RNASEH2A: variants seen among roughly 807,000 people sequenced by gnomAD.
RNASEH2A encodes RNase H(35).
RNASEH2A carries 30 observed loss-of-function variants against 32.7 expected under a neutral mutation model. That is an observed-to-expected ratio of 0.92 (90% confidence interval 0.69 to 1.25). The LOEUF is 1.25. Among genes scored for constraint, RNASEH2A ranks in the 50% most tolerant of loss-of-function variants. RNASEH2A has a pLI of 0.00. For synonymous variants in RNASEH2A, 147 were observed against 165.4 expected, an observed-to-expected ratio of 0.89 and a Z score of 0.86; for missense variants, 409 against 398.1, an observed-to-expected ratio of 1.03 and a Z score of -0.23.
chr19:12,807,932 AAAAAAAT>A lies in RNASEH2A; in HGVS notation c.411+444_411+450del, dbSNP rs370390192. ...GGGCAACAGAGCAAGACCCTGTCTC[AAAAAAAT>A]AAAAAATAAAAAATAAACTAAAAAT... On this transcript the variant is annotated intron_variant, in intron 4 of 7. Coordinates refer to ENST00000221486, the MANE Select transcript of RNASEH2A (RefSeq NM_006397.3). The A allele has an allele frequency of 2.3e-3, 513 of 220,936 alleles. 3 individuals carry two copies. The highest frequency in any genetic ancestry group is 0.011 in the African/African-American group (456 of 43,216). The allele number at this position is 220,936 out of a possible 1,614,324, so 13.7% of individuals were successfully genotyped here.
Position 12,809,479 on chromosome 19 carries a change from A to G in RNASEH2A, c.412-592A>G, listed in dbSNP as rs1409048124. Among the ~76,000 whole-genome samples, 4 of 152,108 alleles carry G rather than the reference A, an allele frequency of 2.6e-5. No individual in the cohort carries two copies. In the East Asian group the frequency reaches 5.8e-4, roughly 22 times the overall value. On this transcript the variant is annotated intron_variant, in intron 4 of 7. Transcript: ENST00000221486. ...ACAGTTCACTTCCTCACCTCCTTCA[A>G]GCCTTTATTCACCACTACACCTAGC...
chr19:12,813,061 A>G, intron 6 of RNASEH2A, 22 bp from the exon 7 acceptor site: 1 of 1,613,600 alleles, frequency 6.2e-7, no homozygotes, highest in East Asian at 2.2e-5. Context: ...TTGGACTGTC[A>G]CCATTGCCCA....
chr19:12,806,897 T>A, intron 1 of RNASEH2A, 97 bp downstream of exon 1: 2 of 1,598,086 alleles, frequency 1.3e-6, no homozygotes, highest in Non-Finnish European at 1.7e-6. Flanking sequence ...GATGTGGTCG[T>A]GGTGATGGCA....
rs199822158 is a variant in RNASEH2A at position 12,813,516 on chromosome 19, T to C, written c.*50T>C. On this transcript the variant is annotated 3_prime_UTR_variant, in exon 8 of 8. Transcript: ENST00000221486. Reference sequence around the variant, plus strand: ...GCTTCCCCAACCCAGACATTAAAATTGTTTAAGGAGAACCACACGTAGGGG... The same window carrying C: ...GCTTCCCCAACCCAGACATTAAAATCGTTTAAGGAGAACCACACGTAGGGG... The C allele has an allele frequency of 3.5e-5, 56 of 1,606,776 alleles. No homozygotes were observed. The East Asian group carries it at 1.1e-3, about 32-fold the overall frequency.
downstream of RNASEH2A, chr19:12,813,640 AT>A (rs1969109543): frequency 1.2e-5 from 6 of 508,208 alleles, no homozygotes; most frequent in Admixed American, 2.2e-4. Flanking sequence ...TGGTTGATTA[AT>A]TTTATTTGGT....
rs767126673 is a variant in RNASEH2A, at chr19:12,813,234, C to A, written c.761+28C>A. ...GGGTGTCATGGATGTCCTGGGGGTG[C>A]TATAGGGAAGGAAGGAGGGAGGCCA... On this transcript the variant is annotated intron_variant, in intron 7 of 7. Coordinates refer to ENST00000221486, the MANE Select transcript of RNASEH2A (RefSeq NM_006397.3). The A allele has an allele frequency of 6.8e-6, 11 of 1,613,808 alleles. No individual in the cohort carries two copies. The East Asian group carries it at 2.5e-4, about 36-fold the overall frequency.
In RNASEH2A at chr19:12,813,312, C is replaced by T; in HGVS notation, c.762-16C>T. The T allele has an allele frequency of 1.2e-6, 2 of 1,614,152 alleles. No homozygotes were observed. Among genetic ancestry groups the T allele is most frequent in the Non-Finnish European group, 8.5e-7 (1 of 1,180,022 alleles). On this transcript the variant is annotated splice_polypyrimidine_tract_variant and intron_variant, in intron 7 of 7. Coordinates refer to ENST00000221486, the MANE Select transcript of RNASEH2A (RefSeq NM_006397.3). ...TCCCTGTGTAAGTGGTCACTGTCAT[C>T]ACCTCTCTCCCACAGGGAGGACTCA... is the stretch of plus-strand genomic sequence containing the variant.
In RNASEH2A at chr19:12,813,357, G is replaced by A; in HGVS notation, c.791G>A (p.Gly264Glu). The change falls in exon 8 of 8, where the codon GGA becomes GAA. Residue 264 changes from glycine to glutamate, a missense_variant. Coordinates refer to ENST00000221486, the MANE Select transcript of RNASEH2A (RefSeq NM_006397.3). The stretch of plus-strand genomic sequence containing the variant: ...GACTCAGCATCCGAGAATCAGGAGG[G>A]ACTCAGGAAGATCACATCCTACTTC... ...WEDSASENQE[G>E]LRKITSYFLN... The A allele has an allele frequency of 6.2e-7, 1 of 1,614,122 alleles. No homozygotes were observed. Among genetic ancestry groups the A allele is most frequent in the Non-Finnish European group, 8.5e-7 (1 of 1,180,018 alleles).
At chr19:12,807,364 C>A in intron 3 of RNASEH2A, 35 bp downstream of exon 3, 1 of 1,614,162 alleles carries the variant, frequency 6.2e-7, no homozygotes, top group Non-Finnish European at 8.5e-7. Flanking sequence ...CCAGCATGGG[C>A]TGACCAAGCT....
rs768240363 is a variant in RNASEH2A, at chr19:12,813,496, C to T, written c.*30C>T. The stretch of plus-strand genomic sequence containing the variant: ...TGCCTCTACGCGCTCTACCTGCTTC[C>T]CCAACCCAGACATTAAAATTGTTTA... On this transcript the variant is annotated 3_prime_UTR_variant, in exon 8 of 8. Coordinates refer to ENST00000221486, the MANE Select transcript of RNASEH2A (RefSeq NM_006397.3). 3 of 1,610,262 alleles carry T rather than the reference C, an allele frequency of 1.9e-6. No homozygotes were observed. The highest frequency in any genetic ancestry group is 2.2e-5 in the East Asian group (1 of 44,894).
chr19:12,809,199 C>T (rs959730675), intron 4 of RNASEH2A, among the ~76,000 whole-genome samples: 6 of 152,048 alleles, frequency 3.9e-5, no homozygotes, highest in Non-Finnish European at 8.8e-5. Flanking sequence ...ATGGTGAAAC[C>T]CCATCTCTAC....
At chr19:12,807,892 A>C in intron 4 of RNASEH2A, 1 of 319,954 alleles carries the variant, frequency 3.1e-6, no homozygotes, top group South Asian at 2.7e-5. Context: ...AGATTGTGCC[A>C]TTGCACTCCA....
At position 12,813,581 on chromosome 19, in the gene RNASEH2A, GCAGCCGGGTC is replaced by G; in HGVS notation, c.*120_*129del. The stretch of plus-strand genomic sequence containing the variant: ...CAGAAGCAAGGTGGGAGTGTGCTCT[GCAGCCGGGTC>G]CAGCTACTTCCTTTTGGAACCTTAA... On this transcript the variant is annotated 3_prime_UTR_variant, in exon 8 of 8. Coordinates refer to ENST00000221486, the MANE Select transcript of RNASEH2A (RefSeq NM_006397.3). 7 of 1,343,930 alleles carry G rather than the reference GCAGCCGGGTC, an allele frequency of 5.2e-6. No individual in the cohort carries two copies. The highest frequency in any genetic ancestry group is 7.4e-6 in the Non-Finnish European group (7 of 949,924). 83.3% of individuals were successfully genotyped at this position (1,343,930 alleles called of 1,614,324 possible).
intron 4 of RNASEH2A, among the ~76,000 whole-genome samples, chr19:12,809,708 T>C (rs1225780639): frequency 6.6e-6 from 1 of 151,860 alleles, no homozygotes; most frequent in Non-Finnish European, 1.5e-5. Context: ...AGGTGCTAAA[T>C]AAGTTAGAGT....
chr19:12,809,889 CA>C lies in RNASEH2A; in HGVS notation c.412-181del, dbSNP rs1013963249. Reference sequence around the variant, plus strand: ...TCAGCCTCCCAAAGTGCTGGGATCACAGGCCTGAACAACTTTGCCTGGTCTA... The same window carrying C: ...TCAGCCTCCCAAAGTGCTGGGATCACGGCCTGAACAACTTTGCCTGGTCTA... On this transcript the variant is annotated intron_variant, in intron 4 of 7. Transcript: ENST00000221486. Among the ~76,000 whole-genome samples the C allele has an allele frequency of 2.6e-5, 4 of 152,204 alleles. No individual in the cohort carries two copies. In the East Asian group the frequency reaches 7.7e-4, roughly 29 times the overall value.
intron 4 of RNASEH2A, among the ~76,000 whole-genome samples, chr19:12,809,364 G>C (rs1969040389): frequency 6.6e-6 from 1 of 152,180 alleles, no homozygotes; most frequent in Admixed American, 6.6e-5. Flanking sequence ...AGGCCCCCAT[G>C]CATGGGCCCA....
Position 12,813,169 on chromosome 19 carries a change from C to G in RNASEH2A, c.724C>G (p.Gln242Glu). 8 of 1,613,912 alleles carry G rather than the reference C, an allele frequency of 5.0e-6. No homozygotes were observed. The highest frequency in any genetic ancestry group is 6.8e-6 in the Non-Finnish European group (8 of 1,179,946). The change falls in exon 7 of 8, where the codon CAG becomes GAG. Residue 242 changes from glutamine (Q) to glutamate (E), a missense_variant. Transcript: ENST00000221486. ...TGTCCGGTTCAGCTGGCGCACGGCC[C>G]AGACCATCCTGGAGAAAGAGGCGGA... Reference protein sequence around the residue: ...QFVRFSWRTAQTILEKEAEDV... With the variant: ...QFVRFSWRTAETILEKEAEDV...
At chr19:12,807,602 A>G (rs986869846) in intron 4 of RNASEH2A, 96 bp downstream of exon 4, 36 of 1,029,286 alleles carry the variant, frequency 3.5e-5, no homozygotes, top group Non-Finnish European at 5.3e-5. Flanking sequence ...ATCATGCCAC[A>G]GCACTCCATC....
intron 6 of RNASEH2A, among the ~76,000 whole-genome samples, chr19:12,812,521 G>A (rs1035569509): frequency 1.3e-5 from 2 of 152,040 alleles, no homozygotes; most frequent in African/African-American, 4.8e-5. Flanking sequence ...GACAGAGCAA[G>A]ACTCCATTTC....
Sources: allele counts gnomAD v4.1 joint callset (sites outside exome capture counted in the v4.1 genomes callset), GRCh38; gene constraint gnomAD v4.1.1; transcripts MANE v1.5; gene names NCBI Gene and HGNC (gene_info 2026-07-23, HGNC 2026-07-21).